Variants in DOCK1 observed in about 807,000 individuals in gnomAD.
DOCK1 encodes the protein dedicator of cytokinesis 1.
In DOCK1, 138 loss-of-function variants were observed where a neutral mutation model predicts 262.7. The ratio of observed to expected loss-of-function variants is 0.53; its 90% CI spans 0.46 to 0.61. DOCK1 has a LOEUF of 0.61. Among genes scored for constraint, DOCK1 ranks in the 20% least tolerant of loss-of-function variants. The pLI is 0.00. For missense variants in DOCK1, 1,908 were observed against 2,370.7 expected, an observed-to-expected ratio of 0.80 and a Z score of 4.05; for synonymous variants, 866 against 867.4, an observed-to-expected ratio of 1.00 and a Z score of 0.03.
At chr10:127,257,143 C>G (rs991036594) in intron 28 of DOCK1, among the ~76,000 whole-genome samples, 192 bp from the exon 29 acceptor site, 1 of 152,204 alleles carries the variant, frequency 6.6e-6, no homozygotes, top group African/African-American at 2.4e-5. Context: ...GAAGCCGTCT[C>G]AGACAGGAGG....
At chr10:127,056,392 C>T (rs955305878) in intron 22 of DOCK1, among the ~76,000 whole-genome samples, 1 of 152,100 alleles carries the variant, frequency 6.6e-6, no homozygotes, top group African/African-American at 2.4e-5. Flanking sequence ...GACATGGTCT[C>T]GCTATGTTGC....
chr10:127,426,011 GGT>G lies in DOCK1; in HGVS notation c.4914+1_4914+2del. On this transcript the variant is annotated splice_donor_variant, in intron 47 of 51. Coordinates refer to ENST00000623213, the MANE Select transcript of DOCK1 (RefSeq NM_001290223.2). LOFTEE classifies it high-confidence loss of function. ...AGAAAGAGTACGGCGTCCGAATCAT[GGT>G]AAGAGGGTAGTATGCGTAGTGTTGC... The G allele has an allele frequency of 6.2e-7, 1 of 1,613,888 alleles. No homozygotes were observed. The highest frequency in any genetic ancestry group is 8.5e-7 in the Non-Finnish European group (1 of 1,179,860).
intron 26 of DOCK1, among the ~76,000 whole-genome samples, chr10:127,126,006 AG>A (rs2049930228): frequency 6.6e-6 from 1 of 152,176 alleles, no homozygotes; most frequent in African/African-American, 2.4e-5. Context: ...GGGAGTCGTA[AG>A]GAGAAGAGCA....
chr10:127,374,002 C>T (rs1384427816), intron 34 of DOCK1, 56 bp from the exon 35 acceptor site: 3 of 1,555,890 alleles, frequency 1.9e-6, no homozygotes, highest in Non-Finnish European at 2.6e-6. Context: ...AATTGCACCT[C>T]TGTTGAGTTT....
intron 27 of DOCK1, among the ~76,000 whole-genome samples, chr10:127,190,670 C>T (rs1589859349): frequency 4.2e-5 from 1 of 23,734 alleles, no homozygotes; most frequent in East Asian, 2.3e-3. Flanking sequence ...TATCTTCCCC[C>T]CCCCCCCCCC....
intron 40 of DOCK1, among the ~76,000 whole-genome samples, chr10:127,406,808 T>C (rs2067542377): frequency 6.6e-6 from 1 of 152,240 alleles, no homozygotes; most frequent in Non-Finnish European, 1.5e-5. Context: ...TTTTTACCTA[T>C]AACTCACTAG....
At chr10:127,139,368 A>G (rs2051006670) in intron 27 of DOCK1, among the ~76,000 whole-genome samples, 1 of 152,038 alleles carries the variant, frequency 6.6e-6, no homozygotes, top group South Asian at 2.1e-4. Flanking sequence ...TCTCATTGTC[A>G]GTGACTCTAA....
intron 27 of DOCK1, among the ~76,000 whole-genome samples, chr10:127,211,807 C>T (rs1309012007): frequency 2.0e-5 from 3 of 152,126 alleles, no homozygotes; most frequent in South Asian, 2.1e-4. Context: ...ATGGGATGTG[C>T]GCTGAGATAC....
chr10:126,998,407 G>C (rs933383897), intron 8 of DOCK1, 158 bp downstream of exon 8: 1 of 959,506 alleles, frequency 1.0e-6, no homozygotes, highest in Non-Finnish European at 1.5e-6. Flanking sequence ...TAGACAGTGT[G>C]ATGGCAGCCA....
chr10:127,321,246 CTCTCT>C (rs2062510015), intron 29 of DOCK1, among the ~76,000 whole-genome samples: 3 of 109,538 alleles, frequency 2.7e-5, no homozygotes, highest in African/African-American at 7.1e-5. Flanking sequence ...CGTCCTCCCC[CTCTCT>C]CTCCTCCCCT....
At chr10:126,917,150 C>T (rs1341012138) in intron 1 of DOCK1, among the ~76,000 whole-genome samples, 2 of 152,218 alleles carry the variant, frequency 1.3e-5, no homozygotes, top group Non-Finnish European at 2.9e-5. Flanking sequence ...CTGGGCAACA[C>T]CCTGGAGTCG....
intron 29 of DOCK1, among the ~76,000 whole-genome samples, chr10:127,275,298 G>A (rs2060703352): frequency 6.6e-6 from 1 of 152,072 alleles, no homozygotes; most frequent in Non-Finnish European, 1.5e-5. Flanking sequence ...GAATTTCTGA[G>A]AGAGAGCATA....
chr10:126,994,040 AT>A (rs1327831910), intron 6 of DOCK1, among the ~76,000 whole-genome samples: 2 of 152,138 alleles, frequency 1.3e-5, no homozygotes, highest in African/African-American at 4.8e-5. Context: ...CCTTTTTCAT[AT>A]TGTTAAAAAA....
intron 27 of DOCK1, among the ~76,000 whole-genome samples, chr10:127,186,504 A>ACCACCCCCCCCCCCCCCCCCC (rs1216809857): frequency 1.1e-4 from 1 of 9,000 alleles, no homozygotes; most frequent in African/African-American, 3.5e-4. Flanking sequence ...CATGGGAGAA[A>ACCACCCCCCCCCCCCCCCCCC]CCGCCCCCCC....
At chr10:127,373,035 T>C (rs2065289640) in intron 33 of DOCK1, among the ~76,000 whole-genome samples, 1 of 152,180 alleles carries the variant, frequency 6.6e-6, no homozygotes, top group Non-Finnish European at 1.5e-5. Flanking sequence ...TCCATTGTTA[T>C]CGAGGTTTTT....
intron 19 of DOCK1, among the ~76,000 whole-genome samples, chr10:127,038,578 G>A (rs1053018909): frequency 6.6e-6 from 1 of 152,186 alleles, no homozygotes; most frequent in Non-Finnish European, 1.5e-5. Flanking sequence ...AAGTGACCAG[G>A]AGAGGTCTGT....
At chr10:127,149,257 C>T (rs2133427842) in intron 27 of DOCK1, among the ~76,000 whole-genome samples, 1 of 152,222 alleles carries the variant, frequency 6.6e-6, no homozygotes, top group East Asian at 1.9e-4. Flanking sequence ...AGACACCCCA[C>T]CCAAGAGAGA....
intron 27 of DOCK1, among the ~76,000 whole-genome samples, chr10:127,209,727 TA>T (rs1260760249): frequency 6.6e-6 from 1 of 151,894 alleles, no homozygotes; most frequent in Non-Finnish European, 1.5e-5. Context: ...AGATGTGGAG[TA>T]AAAATCAACA....
intron 1 of DOCK1, among the ~76,000 whole-genome samples, chr10:126,925,763 TGTGTGTGC>T (rs1269293779): frequency 2.1e-5 from 3 of 141,954 alleles, no homozygotes; most frequent in Non-Finnish European, 4.6e-5. Context: ...TGTGTGTGTG[TGTGTGTGC>T]GCCTAGGTGC....
Sources: allele counts gnomAD v4.1 joint callset (sites outside exome capture counted in the v4.1 genomes callset), GRCh38; gene constraint gnomAD v4.1.1; transcripts MANE v1.5; gene names NCBI Gene and HGNC (gene_info 2026-07-23, HGNC 2026-07-21).